Variants in CEP85L observed in about 807,000 individuals in gnomAD.
The protein encoded by CEP85L is centrosomal protein 85L.
Under a neutral mutation model 100.3 loss-of-function variants are expected in CEP85L, and 60 were observed. The ratio of observed to expected loss-of-function variants is 0.60; its 90% CI spans 0.49 to 0.74. The LOEUF (loss-of-function observed/expected upper bound fraction) is 0.74, where lower values mean the gene tolerates loss of function less well. CEP85L is among the 30% of genes least tolerant of loss of function. The pLI, the probability that CEP85L is intolerant of heterozygous loss-of-function variation, is 0.00. For synonymous variants in CEP85L, 319 were observed against 322.7 expected, an observed-to-expected ratio of 0.99 and a Z score of 0.12; for missense variants, 973 against 936.2, an observed-to-expected ratio of 1.04 and a Z score of -0.51.
chr6:118,618,708 G>A (rs1002982871), intron 2 of CEP85L, among the ~76,000 whole-genome samples: 2 of 152,162 alleles, frequency 1.3e-5, no homozygotes, highest in Non-Finnish European at 2.9e-5. Flanking sequence ...GGGGACAAAA[G>A]GCTAGAGTGC....
chr6:118,482,925 C>A (rs1773895442), intron 7 of CEP85L, among the ~76,000 whole-genome samples: 1 of 152,060 alleles, frequency 6.6e-6, no homozygotes, highest in African/African-American at 2.4e-5. Flanking sequence ...TAACTTTACC[C>A]CCAGAAGACA....
chr6:118,705,099 C>G (rs1350669005), intron 1 of CEP85L, among the ~76,000 whole-genome samples: 2 of 152,054 alleles, frequency 1.3e-5, no homozygotes, highest in Non-Finnish European at 2.9e-5. Flanking sequence ...GAACATCAGC[C>G]GGAAGCTTCC....
rs555332076 is a variant in CEP85L at position 118,490,611 on chromosome 6, T to G, written c.1437+1075A>C. ...CTACCAGGTATTTATCCAAGATAAA[T>G]GAAGACACACATAGACAAAAAATCT... On this transcript the variant is annotated intron_variant, in intron 6 of 12. Transcript: ENST00000368491. 9.2e-5 allele frequency among the ~76,000 whole-genome samples: 14 copies of G among 152,290 alleles called. No homozygotes were observed. The East Asian group carries it at 1.4e-3, about 15-fold the overall frequency.
chr6:118,487,357 T>C (rs1291798158), intron 6 of CEP85L, among the ~76,000 whole-genome samples: 3 of 152,184 alleles, frequency 2.0e-5, no homozygotes, highest in East Asian at 1.9e-4. Context: ...ATTTGATTTA[T>C]ATTTTAAAGA....
intron 1 of CEP85L, 30 bp from the exon 2 acceptor site, chr6:118,632,641 CATAT>C (rs1343373493): frequency 6.3e-7 from 1 of 1,577,340 alleles, no homozygotes; most frequent in Non-Finnish European, 8.6e-7. Context: ...ACAGTTAACA[CATAT>C]ATCTGAGTAG....
intron 2 of CEP85L, among the ~76,000 whole-genome samples, chr6:118,607,871 C>G (rs1772334732): frequency 6.6e-6 from 1 of 152,098 alleles, no homozygotes; most frequent in Non-Finnish European, 1.5e-5. Context: ...GCCTTTGGGT[C>G]AGGGGTTTCT....
chr6:118,687,588 G>A (rs2114291028), intron 1 of CEP85L, among the ~76,000 whole-genome samples: 1 of 152,318 alleles, frequency 6.6e-6, no homozygotes, highest in East Asian at 1.9e-4. Flanking sequence ...GAGCACAGGG[G>A]AAGGGACAAT....
At chr6:118,567,209 A>ATGTGTGTG (rs68047463) in intron 2 of CEP85L, among the ~76,000 whole-genome samples, 1 of 89,684 alleles carries the variant, frequency 1.1e-5, no homozygotes, top group African/African-American at 4.3e-5. Flanking sequence ...ATATATATGT[A>ATGTGTGTG]TGTGTGTGTG....
At chr6:118,551,702 T>TATTG (rs1289375116) in intron 3 of CEP85L, among the ~76,000 whole-genome samples, 1 of 152,028 alleles carries the variant, frequency 6.6e-6, no homozygotes, top group Non-Finnish European at 1.5e-5. Flanking sequence ...AATGAGAATA[T>TATTG]ATTGATTTTT....
intron 1 of CEP85L, among the ~76,000 whole-genome samples, chr6:118,708,372 T>C (rs146260120): frequency 1.3e-5 from 2 of 152,284 alleles, no homozygotes; most frequent in African/African-American, 4.8e-5. Context: ...TCCAAGGCCT[T>C]GGATTAAGTT....
chr6:118,548,003 T>C (rs1778307668), intron 3 of CEP85L, among the ~76,000 whole-genome samples: 1 of 152,088 alleles, frequency 6.6e-6, no homozygotes, highest in African/African-American at 2.4e-5. Flanking sequence ...ATCTTCACCA[T>C]TAATATTCAA....
chr6:118,676,220 C>A lies in CEP85L; in HGVS notation c.-27-23412G>T, dbSNP rs373447063. Among the ~76,000 whole-genome samples the A allele has an allele frequency of 5.3e-5, 8 of 152,298 alleles. No individual in the cohort carries two copies. The East Asian group carries it at 1.5e-3, about 29-fold the overall frequency. On this transcript the variant is annotated intron_variant, in intron 1 of 13. Transcript: ENST00000368488. ...ATTAGTAAAGCCATCACCTCACCTACTTAACATTCTTCTATGGTGAGAACA... is the reference window on the plus strand; with the variant it reads ...ATTAGTAAAGCCATCACCTCACCTAATTAACATTCTTCTATGGTGAGAACA...
intron 1 of CEP85L, among the ~76,000 whole-genome samples, chr6:118,634,184 G>C (rs991869926): frequency 6.6e-6 from 1 of 152,152 alleles, no homozygotes; most frequent in African/African-American, 2.4e-5. Flanking sequence ...GGCATGCAAG[G>C]AATGCCTTCT....
At chr6:118,542,206 CAT>C (rs1359166637) in intron 3 of CEP85L, among the ~76,000 whole-genome samples, 4 of 152,014 alleles carry the variant, frequency 2.6e-5, no homozygotes, top group African/African-American at 9.7e-5. Context: ...AAATTTGTAA[CAT>C]ATATTTTTAA....
At chr6:118,606,013 CAA>C (rs61023993) in intron 2 of CEP85L, among the ~76,000 whole-genome samples, 18 of 101,976 alleles carry the variant, frequency 1.8e-4, no homozygotes, top group African/African-American at 5.0e-4. Context: ...GACTCTGTCT[CAA>C]AAAAAAAAAA....
intron 2 of CEP85L, among the ~76,000 whole-genome samples, chr6:118,609,423 CAG>C (rs1772460823): frequency 6.6e-6 from 1 of 152,044 alleles, no homozygotes. Context: ...CTTTATAAAT[CAG>C]AAAAAATAAG....
At chr6:118,687,578 G>T (rs1224136476) in intron 1 of CEP85L, among the ~76,000 whole-genome samples, 1 of 152,194 alleles carries the variant, frequency 6.6e-6, no homozygotes, top group Non-Finnish European at 1.5e-5. Context: ...TCTTGCCTGA[G>T]AGCACAGGGG....
At chr6:118,538,714 A>G (rs963256442) in intron 3 of CEP85L, among the ~76,000 whole-genome samples, 1 of 152,072 alleles carries the variant, frequency 6.6e-6, no homozygotes, top group African/African-American at 2.4e-5. Flanking sequence ...AAGCAAATCA[A>G]TTAGAAGATT....
chr6:118,668,777 G>A (rs1776208212), intron 1 of CEP85L, among the ~76,000 whole-genome samples: 1 of 152,174 alleles, frequency 6.6e-6, no homozygotes, highest in South Asian at 2.1e-4. Flanking sequence ...TATTTTGTAT[G>A]TTTTCCTGTG....
Sources: allele counts gnomAD v4.1 joint callset (sites outside exome capture counted in the v4.1 genomes callset), GRCh38; gene constraint gnomAD v4.1.1; transcripts MANE v1.5; gene names NCBI Gene and HGNC (gene_info 2026-07-23, HGNC 2026-07-21).